NXPE4: variants seen among roughly 807,000 people sequenced by gnomAD.
NXPE4 encodes neurexophilin and PC-esterase domain family member 4, also known as NXPE family member 4.
Under a neutral mutation model 33.3 loss-of-function variants are expected in NXPE4, and 42 were observed. The observed-to-expected ratio is 1.26, with a 90% CI of 0.98 to 1.63. The LOEUF is 1.63. Ranked by LOEUF, NXPE4 falls within the 40% of genes most tolerant of loss-of-function variation. NXPE4 has a pLI of 0.00. For synonymous variants in NXPE4, 253 were observed against 234.9 expected, an observed-to-expected ratio of 1.08 and a Z score of -0.71; for missense variants, 709 against 647.6, an observed-to-expected ratio of 1.09 and a Z score of -1.03.
chr11:114,638,967 G>T, the NXPE4 span, among the ~76,000 whole-genome samples: 1 of 152,056 alleles, frequency 6.6e-6, no homozygotes, highest in Non-Finnish European at 1.5e-5. Context: ...CTCCAGCTGT[G>T]AGCTGGGAGA....
the NXPE4 span, among the ~76,000 whole-genome samples, chr11:114,645,993 C>T: frequency 6.6e-6 from 1 of 152,028 alleles, no homozygotes; most frequent in Non-Finnish European, 1.5e-5. Flanking sequence ...GCATTTATAT[C>T]TATTGGTTAG....
the NXPE4 span, among the ~76,000 whole-genome samples, chr11:114,626,862 C>T: frequency 3.3e-5 from 5 of 151,440 alleles, no homozygotes; most frequent in Non-Finnish European, 5.9e-5. Context: ...TCGAGAACTA[C>T]GTGAAGAATG....
chr11:114,627,959 A>T, the NXPE4 span, among the ~76,000 whole-genome samples: 1 of 152,096 alleles, frequency 6.6e-6, no homozygotes, highest in Non-Finnish European at 1.5e-5. Flanking sequence ...CAACTCAACA[A>T]GAAGAGCTAA....
chr11:114,657,575 TC>T, the NXPE4 span, among the ~76,000 whole-genome samples: 6 of 152,300 alleles, frequency 3.9e-5, no homozygotes, highest in Non-Finnish European at 7.4e-5. Context: ...CTATTTAATG[TC>T]GTATAATAGG....
At chr11:114,670,967 C>A in the NXPE4 span, among the ~76,000 whole-genome samples, 7 of 149,996 alleles carry the variant, frequency 4.7e-5, no homozygotes, top group Non-Finnish European at 1.0e-4. Context: ...TTAAAGGAAG[C>A]CCTGCTTAAA....
At chr11:114,594,921 T>C (rs2058265135) in intron 1 of NXPE4, among the ~76,000 whole-genome samples, 152 bp from the exon 2 acceptor site, 2 of 152,176 alleles carry the variant, frequency 1.3e-5, no homozygotes, top group South Asian at 4.1e-4. Flanking sequence ...CCCCGCAAGC[T>C]GTACTTGGTA....
the NXPE4 span, among the ~76,000 whole-genome samples, chr11:114,665,634 G>A: frequency 6.6e-6 from 1 of 152,170 alleles, no homozygotes; most frequent in Non-Finnish European, 1.5e-5. Context: ...ATTGCTAAGA[G>A]TCAGTGTAGG....
At chr11:114,633,136 A>G in the NXPE4 span, among the ~76,000 whole-genome samples, 4 of 125,420 alleles carry the variant, frequency 3.2e-5, no homozygotes, top group Admixed American at 2.7e-4. Flanking sequence ...TATATTTCAT[A>G]TATTATTTTA....
At chr11:114,637,716 C>T in the NXPE4 span, among the ~76,000 whole-genome samples, 5 of 151,266 alleles carry the variant, frequency 3.3e-5, no homozygotes, top group East Asian at 7.8e-4. Context: ...TTCTCCTTCA[C>T]TTATGAAGCT....
At chr11:114,620,892 T>C in the NXPE4 span, among the ~76,000 whole-genome samples, 5 of 152,254 alleles carry the variant, frequency 3.3e-5, no homozygotes, top group African/African-American at 9.6e-5. Context: ...GCCTCACGGG[T>C]AACCACAGTT....
chr11:114,578,122 A>T (rs1193896621), intron 5 of NXPE4, among the ~76,000 whole-genome samples: 1 of 152,178 alleles, frequency 6.6e-6, no homozygotes, highest in Non-Finnish European at 1.5e-5. Flanking sequence ...TCAGAGGAGG[A>T]TTATTGATGC....
chr11:114,637,407 C>T, the NXPE4 span, among the ~76,000 whole-genome samples: 1 of 152,030 alleles, frequency 6.6e-6, no homozygotes, highest in Admixed American at 6.6e-5. Context: ...TGGGTCTTGA[C>T]TCTTTATCCA....
chr11:114,607,265 A>G, the NXPE4 span, among the ~76,000 whole-genome samples: 1 of 150,626 alleles, frequency 6.6e-6, no homozygotes, highest in East Asian at 2.0e-4. Flanking sequence ...GTGTTGCCTC[A>G]TGGGTAACCA....
the NXPE4 span, among the ~76,000 whole-genome samples, chr11:114,626,033 G>A: frequency 6.6e-6 from 1 of 152,170 alleles, no homozygotes; most frequent in African/African-American, 2.4e-5. Context: ...CTACGCCCAC[G>A]GAGTCTCACT....
chr11:114,673,044 T>C, the NXPE4 span, among the ~76,000 whole-genome samples: 6 of 148,988 alleles, frequency 4.0e-5, no homozygotes, highest in South Asian at 2.1e-4. Context: ...ATAGACCACA[T>C]ACTATGCCAT....
the NXPE4 span, among the ~76,000 whole-genome samples, chr11:114,602,202 T>A: frequency 8.5e-4 from 92 of 108,718 alleles, no homozygotes; most frequent in African/African-American, 3.3e-3. Context: ...TAATATATAA[T>A]ACTATATACA....
the NXPE4 span, among the ~76,000 whole-genome samples, chr11:114,634,180 T>C: frequency 7.3e-5 from 11 of 151,724 alleles, no homozygotes; most frequent in African/African-American, 1.2e-4. Context: ...TGGTATCTCA[T>C]TGTGGTTTTG....
chr11:114,616,772 C>T, the NXPE4 span, among the ~76,000 whole-genome samples: 1 of 151,650 alleles, frequency 6.6e-6, no homozygotes, highest in African/African-American at 2.4e-5. Context: ...ATAAGTGTTG[C>T]CTCTTGGCTT....
chr11:114,644,825 T>TA, the NXPE4 span, among the ~76,000 whole-genome samples: 1,711 of 144,988 alleles, frequency 0.012, 24 homozygotes, highest in African/African-American at 0.036. Context: ...GATATCAATT[T>TA]AAAAAAAAAA....
Sources: allele counts gnomAD v4.1 joint callset (sites outside exome capture counted in the v4.1 genomes callset), GRCh38; gene constraint gnomAD v4.1.1; transcripts MANE v1.5; gene names NCBI Gene and HGNC (gene_info 2026-07-23, HGNC 2026-07-21).